The following HDAC9 variants were observed in gnomAD, a reference collection of about 807,000 sequenced individuals.
The protein encoded by HDAC9 is MEF-2 interacting transcription repressor (MITR) protein.
A neutral mutation model predicts 139.4 loss-of-function variants in HDAC9; 41 were observed. That is an observed-to-expected ratio of 0.29 (90% CI 0.23 to 0.38). The LOEUF (loss-of-function observed/expected upper bound fraction) is 0.38. Among genes scored for constraint, HDAC9 ranks in the 10% least tolerant of loss-of-function variants. The pLI, the probability that HDAC9 is intolerant of heterozygous loss-of-function variation, is 1.00. For missense variants in HDAC9, 1,147 were observed against 1,297.0 expected (o/e 0.88, Z 1.78); for synonymous variants, 517 against 476.2 (o/e 1.09, Z -1.12).
At chr7:18,744,011 A>ATTTTTTTTTTT (rs1787700219) in intron 13 of HDAC9, among the ~76,000 whole-genome samples, 4 of 123,128 alleles carry the variant, frequency 3.2e-5, no homozygotes, top group African/African-American at 1.2e-4. Context: ...TTTTACTACT[A>ATTTTTTTTTTT]GTTTTTTTTT....
chr7:18,554,425 T>G (rs1006187433), intron 2 of HDAC9, among the ~76,000 whole-genome samples: 9 of 132,076 alleles, frequency 6.8e-5, no homozygotes, highest in Non-Finnish European at 1.1e-4. Context: ...AAGCTCCACC[T>G]CCTGGGTTCA....
At chr7:18,860,748 G>C (rs917482289) in intron 21 of HDAC9, among the ~76,000 whole-genome samples, 11 of 152,166 alleles carry the variant, frequency 7.2e-5, no homozygotes, top group African/African-American at 2.7e-4. Flanking sequence ...AAAACTAAAA[G>C]TTGCTATGGA....
At chr7:18,194,522 A>C (rs1406407327) in intron 2 of HDAC9, among the ~76,000 whole-genome samples, 1 of 152,170 alleles carries the variant, frequency 6.6e-6, no homozygotes, top group Non-Finnish European at 1.5e-5. Flanking sequence ...GAAAAAAACC[A>C]TGGTAGGTGC....
chr7:18,732,918 T>TGTGCGTATGTGTACAC (rs1562893610), intron 13 of HDAC9, among the ~76,000 whole-genome samples: 4 of 86,892 alleles, frequency 4.6e-5, no homozygotes, highest in Non-Finnish European at 7.4e-5. Flanking sequence ...CGTATGTGTA[T>TGTGCGTATGTGTACAC]ACACACGTGT....
chr7:18,246,744 T>G (rs757452028), intron 2 of HDAC9, among the ~76,000 whole-genome samples: 27 of 152,044 alleles, frequency 1.8e-4, no homozygotes, highest in South Asian at 4.2e-4. Flanking sequence ...CATTCCAGAG[T>G]TTTATACCGA....
chr7:18,583,769 C>A (rs1476825442), intron 2 of HDAC9, among the ~76,000 whole-genome samples: 1 of 152,082 alleles, frequency 6.6e-6, no homozygotes, highest in Non-Finnish European at 1.5e-5. Flanking sequence ...AAAAATCTTT[C>A]AGTTTAATTT....
intron 13 of HDAC9, among the ~76,000 whole-genome samples, chr7:18,741,559 T>A (rs573015058): frequency 6.6e-6 from 1 of 152,222 alleles, no homozygotes; most frequent in African/African-American, 2.4e-5. Flanking sequence ...AGAACTCTGA[T>A]GGACATGTGC....
chr7:18,534,025 C>G (rs1047804320), intron 2 of HDAC9, among the ~76,000 whole-genome samples: 1 of 152,054 alleles, frequency 6.6e-6, no homozygotes, highest in African/African-American at 2.4e-5. Flanking sequence ...TTATAGTTAA[C>G]CACATTTTAA....
intron 1 of HDAC9, among the ~76,000 whole-genome samples, chr7:18,394,680 C>T (rs115628449): frequency 0.014 from 2,173 of 152,098 alleles, 54 homozygotes; most frequent in African/African-American, 0.05. Context: ...AGGGCTAGTA[C>T]AATAGACTAC....
intron 1 of HDAC9, among the ~76,000 whole-genome samples, chr7:18,424,781 C>T (rs766762390): frequency 2.7e-4 from 41 of 152,140 alleles, no homozygotes; most frequent in Non-Finnish European, 4.9e-4. Context: ...CGTGATGGCA[C>T]GTGCCCAGCT....
At chr7:18,686,758 T>C (rs893121630) in intron 12 of HDAC9, among the ~76,000 whole-genome samples, 2 of 151,792 alleles carry the variant, frequency 1.3e-5, no homozygotes, top group African/African-American at 4.8e-5. Context: ...CTCTTCTCCG[T>C]ACATAGTTAT....
intron 21 of HDAC9, among the ~76,000 whole-genome samples, chr7:18,836,337 C>G (rs1051129330): frequency 6.6e-6 from 1 of 152,110 alleles, no homozygotes; most frequent in East Asian, 1.9e-4. Context: ...CCTTCATTAC[C>G]TATTTGATTT....
intron 1 of HDAC9, among the ~76,000 whole-genome samples, chr7:18,096,385 A>G (rs934295065): frequency 6.6e-6 from 1 of 152,208 alleles, no homozygotes; most frequent in African/African-American, 2.4e-5. Flanking sequence ...CAAAACACCA[A>G]GTGCAAACAA....
chr7:18,553,929 G>A (rs1013407774), intron 2 of HDAC9, among the ~76,000 whole-genome samples: 3 of 152,190 alleles, frequency 2.0e-5, no homozygotes. Flanking sequence ...GTCTGGCTCA[G>A]TATTTCTTAT....
At chr7:18,516,598 G>A (rs749337504) in intron 2 of HDAC9, among the ~76,000 whole-genome samples, 1 of 152,056 alleles carries the variant, frequency 6.6e-6, no homozygotes, top group Admixed American at 6.6e-5. Context: ...AGTGGTTCAC[G>A]CCTGTAATCC....
chr7:18,561,845 A>G (rs1563285912), intron 2 of HDAC9, among the ~76,000 whole-genome samples: 1 of 152,228 alleles, frequency 6.6e-6, no homozygotes, highest in Non-Finnish European at 1.5e-5. Context: ...TCAGTGAATC[A>G]GCAGATGTGT....
intron 2 of HDAC9, among the ~76,000 whole-genome samples, chr7:18,498,919 T>A (rs1309457416): frequency 6.6e-6 from 1 of 152,122 alleles, no homozygotes; most frequent in African/African-American, 2.4e-5. Flanking sequence ...ACAAGCCACA[T>A]GAGTTACATT....
intron 2 of HDAC9, among the ~76,000 whole-genome samples, chr7:18,166,906 A>G (rs1788049826): frequency 6.6e-6 from 1 of 152,220 alleles, no homozygotes; most frequent in South Asian, 2.1e-4. Context: ...TGAATGTTAA[A>G]TGAAACAGAG....
At chr7:18,925,316 G>T (rs899526058) in intron 22 of HDAC9, among the ~76,000 whole-genome samples, 2 of 152,140 alleles carry the variant, frequency 1.3e-5, no homozygotes, top group African/African-American at 4.8e-5. Flanking sequence ...GCAAGTTAAT[G>T]TTCTTATAAC....
Sources: allele counts gnomAD v4.1 joint callset (sites outside exome capture counted in the v4.1 genomes callset), GRCh38; gene constraint gnomAD v4.1.1; transcripts MANE v1.5; gene names NCBI Gene and HGNC (gene_info 2026-07-23, HGNC 2026-07-21).